Variants in ENTREP2 observed in about 807,000 individuals in gnomAD.
The protein encoded by ENTREP2 is endosomal transmembrane epsin interactor 2.
the ENTREP2 span, among the ~76,000 whole-genome samples, chr15:29,145,592 C>G: frequency 1.5e-5 from 2 of 129,762 alleles, no homozygotes; most frequent in Admixed American, 1.9e-4. Context: ...CACTGCACTC[C>G]AGCCTGGGCG....
chr15:29,295,512 G>A, the ENTREP2 span, among the ~76,000 whole-genome samples: 1 of 152,244 alleles, frequency 6.6e-6, no homozygotes, highest in South Asian at 2.1e-4. Context: ...ACGTGAAACT[G>A]CAGATGGTAC....
chr15:29,664,028 C>CA, the ENTREP2 span, among the ~76,000 whole-genome samples: 913 of 100,760 alleles, frequency 9.1e-3, 8 homozygotes, highest in East Asian at 0.041. Flanking sequence ...AACTCCATCT[C>CA]AAAAAAAAAA....
chr15:29,183,319 G>A, the ENTREP2 span, among the ~76,000 whole-genome samples: 8 of 152,300 alleles, frequency 5.3e-5, no homozygotes, highest in East Asian at 1.9e-4. Context: ...TGAGGACATC[G>A]AGAAGCAAGG....
chr15:29,176,869 G>A, the ENTREP2 span, among the ~76,000 whole-genome samples: 1 of 152,208 alleles, frequency 6.6e-6, no homozygotes, highest in African/African-American at 2.4e-5. Flanking sequence ...TGGTGTCTGT[G>A]CCCTCTCTGG....
chr15:29,238,324 A>G, the ENTREP2 span, among the ~76,000 whole-genome samples: 546 of 152,272 alleles, frequency 3.6e-3, 2 homozygotes, highest in African/African-American at 0.012. Context: ...TGGGTGAATT[A>G]TATGATACAT....
At chr15:29,304,711 G>A in the ENTREP2 span, among the ~76,000 whole-genome samples, 5 of 152,092 alleles carry the variant, frequency 3.3e-5, no homozygotes, top group Non-Finnish European at 7.4e-5. Flanking sequence ...GACTTACAAG[G>A]CCCTGCAGTT....
the ENTREP2 span, among the ~76,000 whole-genome samples, chr15:29,660,874 A>T: frequency 6.6e-6 from 1 of 152,166 alleles, no homozygotes; most frequent in Non-Finnish European, 1.5e-5. Context: ...CTGCATACAC[A>T]AAGGGCCAAC....
chr15:29,648,232 T>C, the ENTREP2 span, among the ~76,000 whole-genome samples: 1 of 152,240 alleles, frequency 6.6e-6, no homozygotes, highest in Non-Finnish European at 1.5e-5. Context: ...GGCACTTCTC[T>C]AGACTCAGTG....
chr15:29,239,697 C>A, the ENTREP2 span, among the ~76,000 whole-genome samples: 1 of 152,116 alleles, frequency 6.6e-6, no homozygotes, highest in African/African-American at 2.4e-5. Flanking sequence ...GTCAGAAAAA[C>A]ACTGGTGTAA....
chr15:29,588,832 C>CA, the ENTREP2 span, among the ~76,000 whole-genome samples: 5 of 151,272 alleles, frequency 3.3e-5, no homozygotes, highest in Non-Finnish European at 5.9e-5. Flanking sequence ...ACAAAAAATA[C>CA]AAAAAAATTA....
chr15:29,541,552 G>T, the ENTREP2 span, among the ~76,000 whole-genome samples: 1 of 152,222 alleles, frequency 6.6e-6, no homozygotes, highest in Non-Finnish European at 1.5e-5. Context: ...CTCTGAAAGG[G>T]ACTGCTGGGT....
the ENTREP2 span, among the ~76,000 whole-genome samples, chr15:29,305,899 C>T: frequency 1.3e-5 from 2 of 152,064 alleles, no homozygotes; most frequent in Non-Finnish European, 2.9e-5. Flanking sequence ...CTCGGGGCTT[C>T]GTGCTGAAGC....
chr15:29,398,589 T>G, the ENTREP2 span, among the ~76,000 whole-genome samples: 4 of 151,984 alleles, frequency 2.6e-5, no homozygotes, highest in African/African-American at 9.7e-5. Context: ...CTGAGTGTGG[T>G]GGCACATGGC....
the ENTREP2 span, among the ~76,000 whole-genome samples, chr15:29,272,181 TAAG>T: frequency 1.3e-5 from 2 of 152,128 alleles, no homozygotes; most frequent in Non-Finnish European, 2.9e-5. Context: ...AGACATAAAA[TAAG>T]AGTATTAGAA....
the ENTREP2 span, among the ~76,000 whole-genome samples, chr15:29,657,475 TGGGGGGGCGGGGG>T: frequency 5.0e-3 from 19 of 3,804 alleles, no homozygotes; most frequent in East Asian, 0.096. Context: ...CGCTGTCGGC[TGGGGGGGCGGGGG>T]GGGGGGGTGG....
chr15:29,226,581 G>C, the ENTREP2 span, among the ~76,000 whole-genome samples: 3 of 152,230 alleles, frequency 2.0e-5, no homozygotes, highest in Non-Finnish European at 2.9e-5. Flanking sequence ...AGACAGTCCA[G>C]CAGCCCCAGC....
the ENTREP2 span, among the ~76,000 whole-genome samples, chr15:29,457,201 GGCCA>G: frequency 6.6e-6 from 1 of 152,226 alleles, no homozygotes; most frequent in African/African-American, 2.4e-5. Context: ...ATGCCTGAGA[GGCCA>G]GCCGGACCCC....
chr15:29,292,842 A>G, the ENTREP2 span, among the ~76,000 whole-genome samples: 1 of 152,230 alleles, frequency 6.6e-6, no homozygotes, highest in Non-Finnish European at 1.5e-5. Context: ...TGCTTCTTTC[A>G]TTCCTCACTT....
At chr15:29,183,798 C>T in the ENTREP2 span, among the ~76,000 whole-genome samples, 568 of 152,246 alleles carry the variant, frequency 3.7e-3, 2 homozygotes, top group African/African-American at 0.013. Context: ...TCTCTAATTT[C>T]AGACAGAGGG....
Sources: allele counts gnomAD v4.1 joint callset (sites outside exome capture counted in the v4.1 genomes callset), GRCh38; gene constraint gnomAD v4.1.1; transcripts MANE v1.5; gene names NCBI Gene and HGNC (gene_info 2026-07-23, HGNC 2026-07-21).